The following TTC28 variants were observed in gnomAD, a reference collection of about 807,000 sequenced individuals.
TTC28 encodes tetratricopeptide repeat protein 28.
In TTC28, 61 loss-of-function variants were observed where a neutral mutation model predicts 198.0. The ratio of observed to expected loss-of-function variants is 0.31; its 90% CI spans 0.25 to 0.38. TTC28 has a LOEUF of 0.38. Among genes scored for constraint, TTC28 ranks in the 10% least tolerant of loss-of-function variants. TTC28 has a pLI of 1.00. For missense variants in TTC28, 2,678 were observed against 3,164.0 expected, an observed-to-expected ratio of 0.85 and a Z score of 3.69; for synonymous variants, 1,171 against 1,297.8, an observed-to-expected ratio of 0.90 and a Z score of 2.10.
rs147949693 is a variant in TTC28 at position 28,652,744 on chromosome 22, TC to T, written c.103-22915del. On this transcript the variant is annotated intron_variant, in intron 1 of 22. Transcript: ENST00000397906. ...AAAATCTAGTTTTGCCTGCAGGTAC[TC>T]CCTGAACCTGTTCTGTAAGCCAGCA... Among the ~76,000 whole-genome samples, 568 of 152,310 alleles carry T rather than the reference TC, an allele frequency of 3.7e-3. 2 individuals are homozygous for T. Among genetic ancestry groups the T allele is most frequent in the African/African-American group, 0.013 (553 of 41,562 alleles).
intron 2 of TTC28, among the ~76,000 whole-genome samples, chr22:28,384,069 C>T (rs1042550119): frequency 1.3e-4 from 20 of 152,250 alleles, no homozygotes; most frequent in African/African-American, 1.9e-4. Flanking sequence ...GCTTTTACCC[C>T]AATGGTCCCT....
intron 2 of TTC28, among the ~76,000 whole-genome samples, chr22:28,327,699 T>C (rs965665389): frequency 2.0e-5 from 3 of 152,206 alleles, no homozygotes; most frequent in Non-Finnish European, 4.4e-5. Flanking sequence ...GAAACCATTT[T>C]CCCCTTGGCT....
chr22:28,634,091 C>G (rs1467597401), intron 1 of TTC28, among the ~76,000 whole-genome samples: 2 of 152,114 alleles, frequency 1.3e-5, no homozygotes, highest in Non-Finnish European at 2.9e-5. Flanking sequence ...TCACAAAACA[C>G]CATCAAATGT....
rs1323788068 is a variant in TTC28, at chr22:28,005,665, G to A, written c.4219-4112C>T. On this transcript the variant is annotated intron_variant, in intron 14 of 22. Transcript: ENST00000397906. This position sits in a 1 kb window ranked among gnomAD's most constrained non-coding sequence, Gnocchi z 4.9. ...GTCCCGTTGCCACCTTGCAGTCTCGGCCTGGTGATAATCTTCCCTCACTCC... is the reference window on the plus strand; with the variant it reads ...GTCCCGTTGCCACCTTGCAGTCTCGACCTGGTGATAATCTTCCCTCACTCC... 2.6e-5 allele frequency among the ~76,000 whole-genome samples: 4 copies of A among 152,264 alleles called. No individual in the cohort carries two copies. The highest frequency in any genetic ancestry group is 9.6e-5 in the African/African-American group (4 of 41,548).
rs1485605196 is a variant in TTC28, at chr22:28,297,676, C to T, written c.706G>A (p.Val236Ile). 18 of 1,551,556 alleles carry T rather than the reference C, an allele frequency of 1.2e-5. No individual in the cohort carries two copies. The Admixed American group carries it at 1.6e-4, about 14-fold the overall frequency. ...TAAGCACTGCTCAGGGCAGAGAAAA[C>T]AGAACCTCTCAGTTTGAGGCTGCAG... ...GTCSLKLRGS[V>I]FSALSSAYWS... Residue 236 changes from valine to isoleucine, a missense_variant, in exon 4 of 23, where the codon GTT becomes ATT. This residue lies in a region of TTC28 where 36 missense variants were observed against 78.7 expected (regional missense o/e 0.46). Coordinates refer to ENST00000397906, the MANE Select transcript of TTC28 (RefSeq NM_001145418.2).
At chr22:28,286,948 T>G (rs2145752628) in intron 5 of TTC28, among the ~76,000 whole-genome samples, 1 of 152,240 alleles carries the variant, frequency 6.6e-6, no homozygotes, top group Non-Finnish European at 1.5e-5. Context: ...TTAAAATATA[T>G]TTATAGATTC....
At chr22:28,165,054 G>A (rs557851638) in intron 5 of TTC28, among the ~76,000 whole-genome samples, 10 of 152,276 alleles carry the variant, frequency 6.6e-5, no homozygotes, top group East Asian at 1.9e-4. Flanking sequence ...TAGCTGATGC[G>A]ATCAACTGGA....
At chr22:28,334,997 T>G (rs1213047233) in intron 2 of TTC28, among the ~76,000 whole-genome samples, 2 of 152,186 alleles carry the variant, frequency 1.3e-5, no homozygotes, top group East Asian at 1.9e-4. Flanking sequence ...GGTCTAATAT[T>G]TAAGTCTTTA....
intron 1 of TTC28, among the ~76,000 whole-genome samples, chr22:28,647,907 A>C (rs979758802): frequency 2.6e-5 from 4 of 151,832 alleles, no homozygotes; most frequent in African/African-American, 9.7e-5. Context: ...GAAGATATAC[A>C]AATGGCCAAC....
At chr22:28,444,134 A>T (rs1276795830) in intron 2 of TTC28, among the ~76,000 whole-genome samples, 1 of 152,208 alleles carries the variant, frequency 6.6e-6, no homozygotes, top group Non-Finnish European at 1.5e-5. Context: ...ACATCTACAA[A>T]TATAAAAATA....
intron 2 of TTC28, among the ~76,000 whole-genome samples, chr22:28,403,768 G>C (rs1431531178): frequency 6.6e-6 from 1 of 152,190 alleles, no homozygotes; most frequent in Non-Finnish European, 1.5e-5. Flanking sequence ...GAGAGTATTA[G>C]ACAGGTTTTA....
intron 14 of TTC28, among the ~76,000 whole-genome samples, chr22:28,010,114 T>C (rs1938088749): frequency 6.6e-6 from 1 of 151,758 alleles, no homozygotes. Flanking sequence ...TGTGGGCGGG[T>C]TCAGGGGCCC....
chr22:28,140,319 T>C (rs900811398), intron 6 of TTC28, among the ~76,000 whole-genome samples: 2 of 152,254 alleles, frequency 1.3e-5, no homozygotes, highest in African/African-American at 4.8e-5. Context: ...TCAAGGCTGA[T>C]GTGCCTCTGA....
Position 28,347,921 on chromosome 22 carries a change from G to C in TTC28, c.382-41278C>G, listed in dbSNP as rs372769078. Among the ~76,000 whole-genome samples, 65 of 152,350 alleles carry C rather than the reference G, an allele frequency of 4.3e-4. No individual in the cohort carries two copies. The South Asian group carries it at 0.013, about 30-fold the overall frequency. On this transcript the variant is annotated intron_variant, in intron 2 of 22. Transcript: ENST00000397906. The stretch of plus-strand genomic sequence containing the variant: ...CGCTGTCTTACATATTTTGAGGAAG[G>C]AACTTAAAGCAGTGGGGTTTTGGCA...
chr22:28,547,194 ATGTGTGTATGTGTGTGTGTGAG>A (rs1410197949), intron 2 of TTC28, among the ~76,000 whole-genome samples: 6 of 150,984 alleles, frequency 4.0e-5, no homozygotes, highest in Admixed American at 3.4e-4. Flanking sequence ...ATCTCTCTGC[ATGTGTGTATGTGTGTGTGTGAG>A]TGTGTGTGTG....
chr22:28,580,809 GCTAT>G (rs2050223137), intron 2 of TTC28, among the ~76,000 whole-genome samples: 1 of 151,994 alleles, frequency 6.6e-6, no homozygotes, highest in Non-Finnish European at 1.5e-5. Context: ...TCAGATTTCA[GCTAT>G]CTATCTCATT....
At chr22:28,077,043 TATTA>T (rs1941192439) in intron 12 of TTC28, among the ~76,000 whole-genome samples, 1 of 152,222 alleles carries the variant, frequency 6.6e-6, no homozygotes, top group South Asian at 2.1e-4. Flanking sequence ...CTTTTTCACT[TATTA>T]ATTATTATAG....
intron 12 of TTC28, among the ~76,000 whole-genome samples, chr22:28,034,686 C>G (rs1939265126): frequency 6.6e-6 from 1 of 152,130 alleles, no homozygotes; most frequent in African/African-American, 2.4e-5. Flanking sequence ...ACAGTGAGGG[C>G]AAAAGGTCAA....
intron 6 of TTC28, among the ~76,000 whole-genome samples, chr22:28,149,853 A>G (rs190370518): frequency 6.6e-6 from 1 of 152,342 alleles, no homozygotes; most frequent in East Asian, 1.9e-4. Context: ...ACTGTAGTTA[A>G]TAATGTATAT....
Sources: allele counts gnomAD v4.1 joint callset (sites outside exome capture counted in the v4.1 genomes callset), GRCh38; gene constraint gnomAD v4.1.1; regional missense constraint gnomAD v4.1.1; non-coding constraint Gnocchi (gnomAD v3.1); transcripts MANE v1.5; gene names NCBI Gene and HGNC (gene_info 2026-07-23, HGNC 2026-07-21).